The following FSCN2 variants were observed in gnomAD, a reference collection of about 807,000 sequenced individuals.
FSCN2 encodes the protein fascin-2.
A neutral mutation model predicts 37.8 loss-of-function variants in FSCN2; 46 were observed. The ratio of observed to expected loss-of-function variants is 1.22; its 90% CI spans 0.96 to 1.56. FSCN2 has a LOEUF of 1.56. Among genes scored for constraint, FSCN2 ranks in the 40% most tolerant of loss-of-function variants. The probability of loss-of-function intolerance (pLI) is 0.00; values close to 1 mark genes in which losing one functional copy is unlikely to be tolerated. For synonymous variants in FSCN2, 351 were observed against 309.4 expected, an observed-to-expected ratio of 1.13 and a Z score of -1.41; for missense variants, 844 against 730.4, an observed-to-expected ratio of 1.16 and a Z score of -1.79.
intron 2 of FSCN2, 118 bp from the exon 3 acceptor site, chr17:81,536,027 GT>G: frequency 8.0e-7 from 1 of 1,248,884 alleles, no homozygotes; most frequent in Non-Finnish European, 1.1e-6. Flanking sequence ...ATGGTGGTGG[GT>G]GTGTCAGTGG....
intron 4 of FSCN2, 35 bp downstream of exon 4, chr17:81,536,824 G>C: frequency 6.4e-7 from 1 of 1,553,950 alleles, no homozygotes; most frequent in South Asian, 1.2e-5. Context: ...GCGGGAGCGG[G>C]GGTGGCAGCG....
At chr17:81,531,474 G>GTGGTGATGGTGATGA (rs1434936929) in intron 1 of FSCN2, among the ~76,000 whole-genome samples, 1 of 105,848 alleles carries the variant, frequency 9.4e-6, no homozygotes, top group Non-Finnish European at 1.9e-5. Flanking sequence ...GATGGTGGTG[G>GTGGTGATGGTGATGA]TGGTGATGGT....
At chr17:81,532,619 A>G (rs1201195578) in intron 1 of FSCN2, among the ~76,000 whole-genome samples, 2,621 of 77,270 alleles carry the variant, frequency 0.034, 82 homozygotes, top group African/African-American at 0.1. Context: ...TGGTGATGAT[A>G]ATGGTGATGA....
At chr17:81,531,330 GTGGTGA>G (rs2032566439) in intron 1 of FSCN2, among the ~76,000 whole-genome samples, 69 of 69,350 alleles carry the variant, frequency 9.9e-4, no homozygotes, top group Admixed American at 2.5e-3. Flanking sequence ...GATGGTGGTG[GTGGTGA>G]TGGTGGTGGT....
At chr17:81,531,878 G>A (rs1380373615) in intron 1 of FSCN2, among the ~76,000 whole-genome samples, 1 of 146,934 alleles carries the variant, frequency 6.8e-6, no homozygotes, top group Non-Finnish European at 1.5e-5. Context: ...TGATGGTGAT[G>A]ATGGTGATGG....
the FSCN2 span, among the ~76,000 whole-genome samples, chr17:81,520,753 T>C: frequency 6.6e-6 from 1 of 152,368 alleles, no homozygotes; most frequent in South Asian, 2.1e-4. Context: ...GCCTTCAGGC[T>C]TTTCCTTGCT....
intron 1 of FSCN2, among the ~76,000 whole-genome samples, chr17:81,534,016 C>T (rs1036945488): frequency 6.6e-6 from 1 of 152,332 alleles, no homozygotes; most frequent in Middle Eastern, 3.4e-3. Context: ...GCTTTTAGTT[C>T]AGTATTTGCC....
chr17:81,536,428 C>A, intron 3 of FSCN2, 161 bp downstream of exon 3: 1 of 1,455,820 alleles, frequency 6.9e-7, no homozygotes, highest in Admixed American at 2.1e-5. Context: ...CTCGTCTTGG[C>A]AAGGGAAACA....
intron 1 of FSCN2, chr17:81,530,501 AC>A: frequency 2.4e-6 from 1 of 425,420 alleles, no homozygotes; most frequent in South Asian, 1.7e-5. Flanking sequence ...GGCTCCATGC[AC>A]CCCAGAGTGG....
At chr17:81,526,540 A>G (rs1249527454), upstream of FSCN2, among the ~76,000 whole-genome samples, 1 of 152,248 alleles carries the variant, frequency 6.6e-6, no homozygotes, top group Non-Finnish European at 1.5e-5. Flanking sequence ...CTGAGGCAGG[A>G]GGACTGCTTG....
chr17:81,529,169 A>C lies in FSCN2; in HGVS notation c.638A>C (p.Glu213Ala). Residue 213 changes from glutamate to alanine, a missense_variant, in exon 1 of 5, where the codon GAG becomes GCG. Glu to Ala is a moderately radical substitution (Grantham distance 107, BLOSUM62 -1). Transcript: ENST00000417245. ...GAGCCCCGTGCCTGCTACACGCTGG[A>C]GTTCAAGGCGGGCAAGCTGGCCTTC... ...EPEPRACYTL[E>A]FKAGKLAFKD... The C allele has an allele frequency of 4.4e-6, 7 of 1,590,890 alleles. No individual in the cohort carries two copies. Among genetic ancestry groups the C allele is most frequent in the Non-Finnish European group, 6.0e-6 (7 of 1,170,150 alleles).
the FSCN2 span, among the ~76,000 whole-genome samples, chr17:81,517,771 C>T: frequency 1.3e-3 from 179 of 136,076 alleles, no homozygotes; most frequent in Non-Finnish European, 2.2e-3. Flanking sequence ...CCCCCCCCCC[C>T]TCCAGTCCCA....
intron 1 of FSCN2, among the ~76,000 whole-genome samples, chr17:81,531,083 A>G (rs571183668): frequency 6.6e-6 from 1 of 152,152 alleles, no homozygotes; most frequent in Admixed American, 6.5e-5. Context: ...TTGTGGTGTG[A>G]TGTGCATGGT....
At position 81,531,819 on chromosome 17, in the gene FSCN2, G is replaced by A. The variant is rs796563917; in HGVS notation, c.826+2462G>A. 2.2e-3 allele frequency among the ~76,000 whole-genome samples: 264 copies of A among 118,600 alleles called. 14 individuals are homozygous for A. Among genetic ancestry groups the A allele is most frequent in the South Asian group, 0.011 (39 of 3,430 alleles). The allele number at this position is 118,600 out of a possible 152,430, so 77.8% of individuals were successfully genotyped here. A position where few individuals can be genotyped will look rare whatever the true frequency, so the allele number is the denominator to read the frequency against. On this transcript the variant is annotated intron_variant, in intron 1 of 4. Transcript: ENST00000417245. ...GATGATAATGGTGATGATGGTGGTG[G>A]TGATGGTGGTGGTGGTGATGGTGGT... is the stretch of plus-strand genomic sequence containing the variant.
At chr17:81,533,570 A>G (rs1382785935) in intron 1 of FSCN2, among the ~76,000 whole-genome samples, 2 of 152,322 alleles carry the variant, frequency 1.3e-5, no homozygotes, top group African/African-American at 4.8e-5. Flanking sequence ...GAGGAAAAAG[A>G]GGCACTGGCT....
Position 81,531,668 on chromosome 17 carries a change from GAT to G in FSCN2, c.826+2312_826+2313del, listed in dbSNP as rs2032617646. ...TGGTGATGATAGTGATGGTGATGATGATGGTGATGATGATGGTGATGATGGTG... is the reference window on the plus strand; with the variant it reads ...TGGTGATGATAGTGATGGTGATGATGGGTGATGATGATGGTGATGATGGTG... On this transcript the variant is annotated intron_variant, in intron 1 of 4. Transcript: ENST00000417245. 2.8e-5 allele frequency among the ~76,000 whole-genome samples: 4 copies of G among 141,436 alleles called. 1 individual carries two copies. Among genetic ancestry groups the G allele is most frequent in the Admixed American group, 6.9e-5 (1 of 14,480 alleles). 92.8% of individuals were successfully genotyped at this position (141,436 alleles called of 152,430 possible). A position where few individuals can be genotyped will look rare whatever the true frequency, so the allele number is the denominator to read the frequency against.
chr17:81,531,705 A>G lies in FSCN2; in HGVS notation c.826+2348A>G, dbSNP rs796075498. Among the ~76,000 whole-genome samples, 295 of 47,044 alleles carry G rather than the reference A, an allele frequency of 6.3e-3. 2 individuals carry two copies. The highest frequency in any genetic ancestry group is 0.028 in the African/African-American group (264 of 9,552). The allele number at this position is 47,044 out of a possible 152,430, so 30.9% of individuals were successfully genotyped here. ...GATGGTGATGATGGTGATGGTGATG[A>G]TGATAGTGATGGTGGTGATGGTGAT... On this transcript the variant is annotated intron_variant, in intron 1 of 4. Transcript: ENST00000417245.
rs375067866 is a variant in FSCN2 at position 81,529,047 on chromosome 17, C to T, written c.516C>T (p.Asp172=). 6.1e-5 allele frequency: 97 copies of T among 1,590,490 alleles called. No individual in the cohort carries two copies. Among genetic ancestry groups the T allele is most frequent in the Middle Eastern group, 1.7e-4 (1 of 6,044 alleles). ...ACGGAGACAAGCCCTGGGGCGTGGA[C>T]GCCCTCCTCACCCTCATCTTCCGGA... ...AADGDKPWGV[D]ALLTLIFRSR... The change falls in exon 1 of 5, where the codon GAC becomes GAT. Residue 172 remains aspartate (D), a synonymous_variant. Coordinates refer to ENST00000417245, the MANE Select transcript of FSCN2 (RefSeq NM_012418.4).
At position 81,534,240 on chromosome 17, in the gene FSCN2, G is replaced by A. The variant is rs576592184; in HGVS notation, c.827-812G>A. Reference sequence around the variant, plus strand: ...TGGCATCCTCTCCCCTGGGCACAGCGTGGGATGGGATCTGGCCCCACCCTC... The same window carrying A: ...TGGCATCCTCTCCCCTGGGCACAGCATGGGATGGGATCTGGCCCCACCCTC... On this transcript the variant is annotated intron_variant, in intron 1 of 4. Transcript: ENST00000417245. Among the ~76,000 whole-genome samples the A allele has an allele frequency of 7.8e-4, 118 of 152,010 alleles. 2 individuals are homozygous for A. In the South Asian group the frequency reaches 0.019, roughly 24 times the overall value.
Sources: gnomAD v4.1 joint callset for allele counts (sites outside exome capture counted in the v4.1 genomes callset) on GRCh38, gnomAD v4.1.1 for gene constraint, MANE v1.5 for transcripts, NCBI Gene and HGNC (gene_info 2026-07-23, HGNC 2026-07-21) for gene names.